IRF2BP2: variants seen among roughly 807,000 people sequenced by gnomAD.
The protein encoded by IRF2BP2 is interferon regulatory factor 2-binding protein 2.
In IRF2BP2, 13 loss-of-function variants were observed where a neutral mutation model predicts 32.7. The observed-to-expected ratio is 0.40, with a 90% CI of 0.26 to 0.63. IRF2BP2 has a LOEUF of 0.63. Among genes scored for constraint, IRF2BP2 ranks in the 30% least tolerant of loss-of-function variants. The pLI is 0.42. For synonymous variants in IRF2BP2, 555 were observed against 384.6 expected, an observed-to-expected ratio of 1.44 and a Z score of -5.18; for missense variants, 980 against 830.6, an observed-to-expected ratio of 1.18 and a Z score of -2.21.
In IRF2BP2 at chr1:234,609,487, G is replaced by A; in HGVS notation, c.8C>T (p.Ala3Val). 1.3e-6 allele frequency: 2 copies of A among 1,498,944 alleles called. No individual in the cohort carries two copies. The highest frequency in any genetic ancestry group is 1.8e-6 in the Non-Finnish European group (2 of 1,125,104). 92.9% of individuals were successfully genotyped at this position (1,498,944 alleles called of 1,614,324 possible). A position where few individuals can be genotyped will look rare whatever the true frequency, so the allele number is the denominator to read the frequency against. MA[A>V]AVAVAAASRR... is the part of the protein sequence containing the mutation. ...GGACGCGGCCGCCACCGCCACCGCC[G>A]CGGCCATGTCCGAGGAGCCCGCGAC... is the stretch of plus-strand genomic sequence containing the variant. The change falls in exon 1 of 2, where the codon GCG becomes GTG. Residue 3 changes from alanine to valine, a missense_variant. Ala to Val is a moderately conservative substitution (Grantham distance 64). Coordinates refer to ENST00000366609, the MANE Select transcript of IRF2BP2 (RefSeq NM_182972.3).
rs753503163 is a variant in IRF2BP2, at chr1:234,607,422, G to A, written c.1479C>T (p.Leu493=). ...GGLEPVHPAS[L]PDSSLATSAP... ...CACTGGTTGCCAGAGAGGAGTCCGG[G>A]AGGCTGGCAGGGTGCACTGGCTCCA... The change falls in exon 2 of 2, where the codon CTC becomes CTT. Residue 493 remains leucine (L), a synonymous_variant. Transcript: ENST00000366609. The A allele has an allele frequency of 1.2e-5, 20 of 1,614,020 alleles. No individual in the cohort carries two copies. Among genetic ancestry groups the A allele is most frequent in the Non-Finnish European group, 1.7e-5 (20 of 1,179,874 alleles).
rs887367984 is a variant in IRF2BP2, at chr1:234,609,194, G to T, written c.301C>A (p.His101Asn). 8 of 1,307,988 alleles carry T rather than the reference G, an allele frequency of 6.1e-6. No individual in the cohort carries two copies. Among genetic ancestry groups the T allele is most frequent in the Admixed American group, 8.5e-5 (2 of 23,656 alleles). The allele number at this position is 1,307,988 out of a possible 1,614,324, so 81.0% of individuals were successfully genotyped here. ...ILLQQQQQLGHGGPEAAPRAP... is the reference protein window; with the variant it reads ...ILLQQQQQLGNGGPEAAPRAP... Reference sequence around the variant, plus strand: ...CGCGGGGCCGCCTCGGGGCCGCCGTGGCCAAGCTGCTGCTGCTGCTGCAAA... The same window carrying T: ...CGCGGGGCCGCCTCGGGGCCGCCGTTGCCAAGCTGCTGCTGCTGCTGCAAA... Residue 101 changes from histidine to asparagine, a missense_variant, in exon 1 of 2, where the codon CAC (histidine) becomes AAC (asparagine). Physicochemically the swap from His to Asn is moderately conservative, Grantham distance 68. Coordinates refer to ENST00000366609, the MANE Select transcript of IRF2BP2 (RefSeq NM_182972.3).
rs766194508 is a variant in IRF2BP2 at position 234,608,748 on chromosome 1, G to C, written c.747C>G (p.His249Gln). Residue 249 changes from histidine to glutamine, a missense_variant, in exon 1 of 2, where the codon CAC becomes CAG. Physicochemically the swap from His to Gln is conservative, Grantham distance 24. Transcript: ENST00000366609. Reference protein sequence around the residue: ...ASVSSSAAVEHEQREAAAKEK... With the variant: ...ASVSSSAAVEQEQREAAAKEK... Reference sequence around the variant, plus strand: ...CCTTGGCTGCCGCCTCACGCTGCTCGTGCTCCACGGCAGCGCTGCTCGACA... The same window carrying C: ...CCTTGGCTGCCGCCTCACGCTGCTCCTGCTCCACGGCAGCGCTGCTCGACA... The C allele has an allele frequency of 7.3e-6, 11 of 1,497,520 alleles. No individual in the cohort carries two copies. The African/African-American group carries it at 1.2e-4, about 16-fold the overall frequency. The allele number at this position is 1,497,520 out of a possible 1,614,324, so 92.8% of individuals were successfully genotyped here. A position where few individuals can be genotyped will look rare whatever the true frequency, so the allele number is the denominator to read the frequency against.
At position 234,608,492 on chromosome 1, in the gene IRF2BP2, T is replaced by C; in HGVS notation, c.1003A>G (p.Arg335Gly). Residue 335 changes from arginine (R) to glycine (G), a missense_variant, in exon 1 of 2, where the codon AGG becomes GGG. Arg to Gly is a moderately radical substitution (Grantham distance 125, BLOSUM62 -2). Transcript: ENST00000366609. ...FKKEPALTAG[R>G]LLGFEANGAN... ...CCGTTGGCCTCGAAACCCAACAACC[T>C]GCCTGCAGTCAGGGCCGGCTCCTTC... The C allele has an allele frequency of 6.2e-7, 1 of 1,605,756 alleles. No homozygotes were observed.
At chr1:234,608,148 G>A (rs1397461352) in intron 1 of IRF2BP2, 7 of 529,304 alleles carry the variant, frequency 1.3e-5, no homozygotes, top group South Asian at 5.7e-5. Context: ...ACATGTGACT[G>A]CTAATGTCCC....
At position 234,605,045 on chromosome 1, in the gene IRF2BP2, G is replaced by A. The variant is rs1487368532; in HGVS notation, c.*2092C>T. ...ACAGCTGGATAGACTTATCCAAAAC[G>A]GCAGGATGGTTCTGTATTAATCTTT... On this transcript the variant is annotated 3_prime_UTR_variant, in exon 2 of 2. Coordinates refer to ENST00000366609, the MANE Select transcript of IRF2BP2 (RefSeq NM_182972.3). 1 of 152,172 alleles carries A rather than the reference G, an allele frequency of 6.6e-6. No individual in the cohort carries two copies. Among genetic ancestry groups the A allele is most frequent in the Admixed American group, 6.5e-5 (1 of 15,282 alleles). The allele number at this position is 152,172 out of a possible 1,614,324, so 9.4% of individuals were successfully genotyped here. A position where few individuals can be genotyped will look rare whatever the true frequency, so the allele number is the denominator to read the frequency against.
Position 234,605,617 on chromosome 1 carries a change from T to TA in IRF2BP2, c.*1519dup, listed in dbSNP as rs1284780660. On this transcript the variant is annotated 3_prime_UTR_variant, in exon 2 of 2. Coordinates refer to ENST00000366609, the MANE Select transcript of IRF2BP2 (RefSeq NM_182972.3). Reference sequence around the variant, plus strand: ...GAAGCTAGGCTGTGAACCATACACATAAATTGTAGACCTTGAAGCCATAAT... The same window carrying TA: ...GAAGCTAGGCTGTGAACCATACACATAAAATTGTAGACCTTGAAGCCATAAT... 1.3e-5 allele frequency: 2 copies of TA among 152,196 alleles called. No individual in the cohort carries two copies. The highest frequency in any genetic ancestry group is 4.8e-5 in the African/African-American group (2 of 41,442). The allele number at this position is 152,196 out of a possible 1,614,324, so 9.4% of individuals were successfully genotyped here.
chr1:234,608,853 G>A lies in IRF2BP2; in HGVS notation c.642C>T (p.Ala214=). 2.3e-6 allele frequency: 3 copies of A among 1,326,776 alleles called. No individual in the cohort carries two copies. Among genetic ancestry groups the A allele is most frequent in the Admixed American group, 4.1e-5 (1 of 24,196 alleles). The allele number at this position is 1,326,776 out of a possible 1,614,324, so 82.2% of individuals were successfully genotyped here. ...GLGGRAAASL[A]AVSGTAAASL... ...TGGCGGCCGCGGTTCCGGACACCGC[G>A]GCTAAGGAGGCGGCAGCGCGGCCGC... Residue 214 remains alanine, a synonymous_variant, in exon 1 of 2, where the codon GCC becomes GCT. Coordinates refer to ENST00000366609, the MANE Select transcript of IRF2BP2 (RefSeq NM_182972.3).
rs1672270852 is a variant in IRF2BP2 at position 234,609,220 on chromosome 1, A to C, written c.275T>G (p.Leu92Arg). The C allele has an allele frequency of 3.7e-6, 5 of 1,339,310 alleles. No individual in the cohort carries two copies. The highest frequency in any genetic ancestry group is 4.8e-6 in the Non-Finnish European group (5 of 1,049,958). The allele number at this position is 1,339,310 out of a possible 1,614,324, so 83.0% of individuals were successfully genotyped here. ...KPPPLSAKDILLQQQQQLGHG... is the reference protein window; with the variant it reads ...KPPPLSAKDIRLQQQQQLGHG... Reference sequence around the variant, plus strand: ...GCCAAGCTGCTGCTGCTGCTGCAAAAGGATGTCCTTGGCGGAGAGCGGCGG... The same window carrying C: ...GCCAAGCTGCTGCTGCTGCTGCAAACGGATGTCCTTGGCGGAGAGCGGCGG... The change falls in exon 1 of 2, where the codon CTT (leucine) becomes CGT (arginine). Residue 92 changes from leucine (L) to arginine (R), a missense_variant. Transcript: ENST00000366609.
chr1:234,609,199 AGCT>A lies in IRF2BP2; in HGVS notation c.293_295del (p.Gln98del), dbSNP rs371994015. 6.3e-5 allele frequency: 82 copies of A among 1,310,914 alleles called. No individual in the cohort carries two copies. The highest frequency in any genetic ancestry group is 2.2e-4 in the South Asian group (10 of 46,430). 81.2% of individuals were successfully genotyped at this position (1,310,914 alleles called of 1,614,324 possible). On this transcript the variant is annotated inframe_deletion, in exon 1 of 2. Transcript: ENST00000366609. ...GGCCGCCTCGGGGCCGCCGTGGCCAAGCTGCTGCTGCTGCTGCAAAAGGATGTC... is the reference window on the plus strand; with the variant it reads ...GGCCGCCTCGGGGCCGCCGTGGCCAAGCTGCTGCTGCTGCAAAAGGATGTC...
At chr1:234,607,970 A>T in intron 1 of IRF2BP2, 118 bp from the exon 2 acceptor site, 1 of 798,462 alleles carries the variant, frequency 1.3e-6, no homozygotes, top group Non-Finnish European at 1.9e-6. Context: ...CTCTAAAAGC[A>T]CAGACAGAAA....
In IRF2BP2 at chr1:234,608,051, G is replaced by A. The variant is rs2102768822; in HGVS notation, c.1049-199C>T. 4 of 576,098 alleles carry A rather than the reference G, an allele frequency of 6.9e-6. 1 individual carries two copies. In the South Asian group the frequency reaches 7.1e-5, roughly 10 times the overall value. The allele number at this position is 576,098 out of a possible 1,614,324, so 35.7% of individuals were successfully genotyped here. On this transcript the variant is annotated intron_variant, in intron 1 of 1. Coordinates refer to ENST00000366609, the MANE Select transcript of IRF2BP2 (RefSeq NM_182972.3). ...AGGCGTACGGGATTCTGAGGCAGCAGACTGATTTAAAATGGAGCCACTGAA... is the reference window on the plus strand; with the variant it reads ...AGGCGTACGGGATTCTGAGGCAGCAAACTGATTTAAAATGGAGCCACTGAA...
Position 234,609,587 on chromosome 1 carries a change from C to T in IRF2BP2, c.-93G>A. On this transcript the variant is annotated 5_prime_UTR_variant, in exon 1 of 2. Transcript: ENST00000366609. ...ACCGGCACCACGCGCGCCCTCCTCC[C>T]CCCCCAACCCCGCGTCTCCCCCACC... The T allele has an allele frequency of 1.6e-6, 1 of 632,546 alleles. No individual in the cohort carries two copies. Among genetic ancestry groups the T allele is most frequent in the Non-Finnish European group, 2.2e-6 (1 of 444,914 alleles). 39.2% of individuals were successfully genotyped at this position (632,546 alleles called of 1,614,324 possible).
In IRF2BP2 at chr1:234,609,834, C is replaced by T. The variant is rs1672298201; in HGVS notation, c.-340G>A. ...GCTCGGCCGGAGCCGCGGCGGGCCT[C>T]CAGACCGGGGCGAAGACGGGCCGCG... On this transcript the variant is annotated 5_prime_UTR_variant, in exon 1 of 2. Coordinates refer to ENST00000366609, the MANE Select transcript of IRF2BP2 (RefSeq NM_182972.3). Among the ~76,000 whole-genome samples the T allele has an allele frequency of 1.4e-5, 2 of 142,502 alleles. No homozygotes were observed. Among genetic ancestry groups the T allele is most frequent in the Admixed American group, 6.9e-5 (1 of 14,540 alleles). 93.5% of individuals were successfully genotyped at this position (142,502 alleles called of 152,430 possible). A position where few individuals can be genotyped will look rare whatever the true frequency, so the allele number is the denominator to read the frequency against.
In IRF2BP2 at chr1:234,606,681, T is replaced by A. The variant is rs1302535866; in HGVS notation, c.*456A>T. ...CCCGTTCGATCATTTCCTTTCCTTCTCCACCACTTGGCCTCCGGCCTGAGA... is the reference window on the plus strand; with the variant it reads ...CCCGTTCGATCATTTCCTTTCCTTCACCACCACTTGGCCTCCGGCCTGAGA... On this transcript the variant is annotated 3_prime_UTR_variant, in exon 2 of 2. Transcript: ENST00000366609. 3 of 155,062 alleles carry A rather than the reference T, an allele frequency of 1.9e-5. No homozygotes were observed. Among genetic ancestry groups the A allele is most frequent in the African/African-American group, 7.2e-5 (3 of 41,452 alleles). The allele number at this position is 155,062 out of a possible 1,614,324, so 9.6% of individuals were successfully genotyped here.
At position 234,606,939 on chromosome 1, in the gene IRF2BP2, T is replaced by G; in HGVS notation, c.*198A>C. 1 of 475,582 alleles carries G rather than the reference T, an allele frequency of 2.1e-6. No homozygotes were observed. Among genetic ancestry groups the G allele is most frequent in the South Asian group, 3.6e-5 (1 of 27,422 alleles). The allele number at this position is 475,582 out of a possible 1,614,324, so 29.5% of individuals were successfully genotyped here. ...TAATAACGTTAACAAAAGAAAAAAA[T>G]GTCTTTATAAGTACATACCTTTTGT... On this transcript the variant is annotated 3_prime_UTR_variant, in exon 2 of 2. Coordinates refer to ENST00000366609, the MANE Select transcript of IRF2BP2 (RefSeq NM_182972.3).
In IRF2BP2 at chr1:234,604,927, A is replaced by G. The variant is rs1672121167; in HGVS notation, c.*2210T>C. On this transcript the variant is annotated 3_prime_UTR_variant, in exon 2 of 2. Coordinates refer to ENST00000366609, the MANE Select transcript of IRF2BP2 (RefSeq NM_182972.3). ...CAGACTCGTGCAGATCTTATTTTTT[A>G]ATAGTAGTAACCACAATACACAGCT... is the stretch of plus-strand genomic sequence containing the variant. 6.6e-6 allele frequency: 1 copy of G among 152,194 alleles called. No individual in the cohort carries two copies. Among genetic ancestry groups the G allele is most frequent in the South Asian group, 2.1e-4 (1 of 4,834 alleles). 9.4% of individuals were successfully genotyped at this position (152,194 alleles called of 1,614,324 possible).
Position 234,609,525 on chromosome 1 carries a change from G to A in IRF2BP2, c.-31C>T, listed in dbSNP as rs1261585655. On this transcript the variant is annotated 5_prime_UTR_variant, in exon 1 of 2. Coordinates refer to ENST00000366609, the MANE Select transcript of IRF2BP2 (RefSeq NM_182972.3). ...AGGAGCCCGCGACGCCGGAGGAGGAGGCGGAGGAGGAGGAGGGGGCGCCGC... is the reference window on the plus strand; with the variant it reads ...AGGAGCCCGCGACGCCGGAGGAGGAAGCGGAGGAGGAGGAGGGGGCGCCGC... 4 of 1,382,782 alleles carry A rather than the reference G, an allele frequency of 2.9e-6. No homozygotes were observed. The highest frequency in any genetic ancestry group is 1.4e-5 in the South Asian group (1 of 69,300). 85.7% of individuals were successfully genotyped at this position (1,382,782 alleles called of 1,614,324 possible). A position where few individuals can be genotyped will look rare whatever the true frequency, so the allele number is the denominator to read the frequency against.
intron 1 of IRF2BP2, chr1:234,608,151 A>G: frequency 1.9e-6 from 1 of 526,984 alleles, no homozygotes; most frequent in Admixed American, 3.6e-5. Context: ...TGTGACTGCT[A>G]ATGTCCCCCA....
Sources: allele counts gnomAD v4.1 joint callset (sites outside exome capture counted in the v4.1 genomes callset), GRCh38; gene constraint gnomAD v4.1.1; transcripts MANE v1.5; gene names NCBI Gene and HGNC (gene_info 2026-07-23, HGNC 2026-07-21).